Variants in GPHN observed in about 807,000 individuals in gnomAD.
GPHN encodes the protein gephyrin.
A neutral mutation model predicts 95.5 loss-of-function variants in GPHN; 17 were observed. That is an observed-to-expected ratio of 0.18 (90% confidence interval 0.12 to 0.27). The LOEUF (loss-of-function observed/expected upper bound fraction) is 0.27. GPHN is among the 10% of genes least tolerant of loss of function. The pLI, the probability that GPHN is intolerant of heterozygous loss-of-function variation, is 1.00. For missense variants in GPHN, 660 were observed against 978.1 expected (o/e 0.67, Z 4.34); for synonymous variants, 320 against 322.5 (o/e 0.99, Z 0.08).
At chr14:66,839,551 A>T (rs960879500) in intron 4 of GPHN, among the ~76,000 whole-genome samples, 2 of 152,152 alleles carry the variant, frequency 1.3e-5, no homozygotes, top group African/African-American at 4.8e-5. Flanking sequence ...TTTTTTACAA[A>T]ATGGAGGTAT....
chr14:67,486,662 G>A, the GPHN span, among the ~76,000 whole-genome samples: 3 of 152,062 alleles, frequency 2.0e-5, no homozygotes, highest in African/African-American at 7.2e-5. Context: ...GCTTCCCCTT[G>A]CCTTCCACCA....
At chr14:66,527,655 T>TG (rs1454288411) in intron 1 of GPHN, among the ~76,000 whole-genome samples, 1 of 152,206 alleles carries the variant, frequency 6.6e-6, no homozygotes, top group Admixed American at 6.5e-5. Flanking sequence ...CCAGAGATTC[T>TG]GGTACGTTGT....
intron 1 of GPHN, among the ~76,000 whole-genome samples, chr14:66,630,380 GA>G (rs1475298645): frequency 6.6e-5 from 10 of 152,240 alleles, no homozygotes; most frequent in African/African-American, 2.4e-4. Flanking sequence ...ATTTAAAATA[GA>G]AAAACAGGGT....
the GPHN span, chr14:67,336,056 G>A: frequency 2.6e-5 from 4 of 152,256 alleles, no homozygotes; most frequent in Non-Finnish European, 4.4e-5. Context: ...GATGGACAAC[G>A]CAAGGCTGTG....
chr14:67,460,708 C>T, the GPHN span, among the ~76,000 whole-genome samples: 1 of 152,072 alleles, frequency 6.6e-6, no homozygotes, highest in Non-Finnish European at 1.5e-5. Flanking sequence ...TCTCAAAAAA[C>T]AAACAAACAA....
intron 2 of GPHN, among the ~76,000 whole-genome samples, chr14:66,756,258 A>G (rs1288054084): frequency 6.6e-6 from 1 of 152,208 alleles, no homozygotes; most frequent in Admixed American, 6.5e-5. Flanking sequence ...TTTAACAGCT[A>G]TCATTTATTT....
intron 1 of GPHN, among the ~76,000 whole-genome samples, chr14:66,680,101 G>T (rs1891968061): frequency 6.6e-6 from 1 of 152,146 alleles, no homozygotes; most frequent in Non-Finnish European, 1.5e-5. Flanking sequence ...AGTCTGGGTG[G>T]CAGCTTTCGA....
At chr14:67,253,489 A>G in the GPHN span, among the ~76,000 whole-genome samples, 1 of 152,184 alleles carries the variant, frequency 6.6e-6, no homozygotes, top group Admixed American at 6.5e-5. Context: ...TGACTCAAGA[A>G]TTACTCTGGG....
chr14:66,941,409 C>T (rs1459333110), intron 8 of GPHN, among the ~76,000 whole-genome samples: 2 of 152,128 alleles, frequency 1.3e-5, no homozygotes, highest in Non-Finnish European at 2.9e-5. Flanking sequence ...CAAGGAATCT[C>T]AGATAAGACC....
chr14:66,931,648 CT>C (rs2066804770), intron 8 of GPHN, among the ~76,000 whole-genome samples: 1 of 152,158 alleles, frequency 6.6e-6, no homozygotes, highest in Admixed American at 6.5e-5. Flanking sequence ...TGTTGAAAGA[CT>C]CTGGTATATT....
intron 10 of GPHN, among the ~76,000 whole-genome samples, chr14:67,048,643 C>T (rs2075150879): frequency 1.3e-5 from 2 of 152,164 alleles, no homozygotes; most frequent in African/African-American, 4.8e-5. Context: ...CCCCAACTCT[C>T]AAATAAAAAT....
At chr14:67,063,429 C>T (rs2075904837) in intron 11 of GPHN, among the ~76,000 whole-genome samples, 3 of 152,176 alleles carry the variant, frequency 2.0e-5, no homozygotes, top group South Asian at 4.1e-4. Flanking sequence ...TTTTTTGGTT[C>T]CATGTGAGCT....
chr14:67,255,523 A>G, the GPHN span, among the ~76,000 whole-genome samples: 1 of 152,218 alleles, frequency 6.6e-6, no homozygotes. Context: ...CCTAAATACT[A>G]AAGAGCCATG....
chr14:67,389,775 CTTTTTTTT>C, the GPHN span, among the ~76,000 whole-genome samples: 1 of 137,356 alleles, frequency 7.3e-6, no homozygotes, highest in Non-Finnish European at 1.6e-5. Context: ...TGTTTTTTTT[CTTTTTTTT>C]TTTTTTAAGT....
chr14:66,753,556 C>T (rs2153449066), intron 2 of GPHN, among the ~76,000 whole-genome samples: 1 of 151,886 alleles, frequency 6.6e-6, no homozygotes, highest in Non-Finnish European at 1.5e-5. Context: ...TCTATTTTCA[C>T]ACATCAATTG....
intron 1 of GPHN, among the ~76,000 whole-genome samples, chr14:66,549,688 A>G (rs1472486418): frequency 6.6e-6 from 1 of 152,192 alleles, no homozygotes; most frequent in Non-Finnish European, 1.5e-5. Context: ...TTGAAAGAAG[A>G]TGCCATCTAG....
intron 1 of GPHN, among the ~76,000 whole-genome samples, chr14:66,637,195 T>A (rs2064146896): frequency 6.6e-6 from 1 of 152,162 alleles, no homozygotes. Flanking sequence ...AGGGTGTGAT[T>A]TGACTTATAG....
chr14:67,423,267 A>T, the GPHN span, among the ~76,000 whole-genome samples: 1 of 152,346 alleles, frequency 6.6e-6, no homozygotes, highest in Admixed American at 6.5e-5. Flanking sequence ...TTGAATTTTT[A>T]AAATTAAGTG....
the GPHN span, chr14:67,571,640 C>A: frequency 9.6e-7 from 1 of 1,041,430 alleles, no homozygotes; most frequent in Non-Finnish European, 1.5e-6. Context: ...TTCAGAGTCC[C>A]GGCTGGGGGT....
Sources: allele counts gnomAD v4.1 joint callset (sites outside exome capture counted in the v4.1 genomes callset), GRCh38; gene constraint gnomAD v4.1.1; transcripts MANE v1.5; gene names NCBI Gene and HGNC (gene_info 2026-07-23, HGNC 2026-07-21).